NEDD9: variants seen among roughly 807,000 people sequenced by gnomAD.
NEDD9 encodes enhancer of filamentation 1.
In NEDD9, 26 loss-of-function variants were observed where a neutral mutation model predicts 76.6. The ratio of observed to expected loss-of-function variants is 0.34; its 90% confidence interval spans 0.25 to 0.47. NEDD9 has a LOEUF of 0.47. Among genes scored for constraint, NEDD9 ranks in the 20% least tolerant of loss-of-function variants. The pLI, the probability that NEDD9 is intolerant of heterozygous loss-of-function variation, is 1.00. For missense variants in NEDD9, 937 were observed against 1,058.5 expected (o/e 0.89, Z 1.59); for synonymous variants, 392 against 414.2 (o/e 0.95, Z 0.65).
At chr6:11,193,828 G>A in intron 2 of NEDD9, 136 bp from the exon 3 acceptor site, 1 of 562,150 alleles carries the variant, frequency 1.8e-6, no homozygotes, top group Non-Finnish European at 3.2e-6. Context: ...AGACATAACA[G>A]GAAGGAGACA....
chr6:11,280,795 A>C lies in NEDD9; in HGVS notation c.12+25197T>G, dbSNP rs1038731074. 2.0e-5 allele frequency among the ~76,000 whole-genome samples: 3 copies of C among 152,220 alleles called. No homozygotes were observed. In the East Asian group the frequency reaches 5.8e-4, roughly 29 times the overall value. ...GGTTTCCCTGACACTAGCCCTGGCC[A>C]CTGCATTGCCCTTGGTGTTTGCCAA... On this transcript the variant is annotated intron_variant, in intron 3 of 3. Coordinates refer to the NEDD9 transcript ENST00000397378.
chr6:11,316,601 C>A (rs773154818), intron 2 of NEDD9, among the ~76,000 whole-genome samples: 5 of 152,140 alleles, frequency 3.3e-5, no homozygotes, highest in Non-Finnish European at 7.3e-5. Flanking sequence ...GGAATTAACT[C>A]GATCACATTT....
intron 3 of NEDD9, among the ~76,000 whole-genome samples, chr6:11,292,101 A>G (rs1386683210): frequency 6.6e-6 from 1 of 152,228 alleles, no homozygotes; most frequent in Non-Finnish European, 1.5e-5. Context: ...ATTCCCACAG[A>G]TAAGGTTTTC....
At chr6:11,351,818 G>C (rs540225440) in intron 1 of NEDD9, among the ~76,000 whole-genome samples, 3 of 152,212 alleles carry the variant, frequency 2.0e-5, no homozygotes, top group Non-Finnish European at 4.4e-5. Context: ...CTATGCGTTT[G>C]TATGTTCTTC....
At position 11,327,693 on chromosome 6, in the gene NEDD9, C is replaced by T. The variant is rs545861043; in HGVS notation, c.-153+6808G>A. 3.9e-5 allele frequency among the ~76,000 whole-genome samples: 6 copies of T among 152,334 alleles called. No homozygotes were observed. The East Asian group carries it at 5.8e-4, about 15-fold the overall frequency. On this transcript the variant is annotated intron_variant, in intron 2 of 3. Coordinates refer to the NEDD9 transcript ENST00000397378. Reference sequence around the variant, plus strand: ...GGGCCTGCTGGAAGTCAGAAGCTGCCGTCCATTAATGTGGGTCCAGCAAGA... The same window carrying T: ...GGGCCTGCTGGAAGTCAGAAGCTGCTGTCCATTAATGTGGGTCCAGCAAGA...
intron 3 of NEDD9, among the ~76,000 whole-genome samples, chr6:11,238,642 G>T (rs1049371768): frequency 2.6e-5 from 4 of 152,228 alleles, no homozygotes; most frequent in East Asian, 3.9e-4. Context: ...CCTCCCGCTT[G>T]TACCCCATCT....
chr6:11,311,493 C>T (rs767627831), intron 2 of NEDD9, among the ~76,000 whole-genome samples: 7 of 152,220 alleles, frequency 4.6e-5, no homozygotes, highest in Non-Finnish European at 7.3e-5. Context: ...TGCTTTGTGA[C>T]AGCATCCCTG....
chr6:11,326,752 G>A (rs1761936957), intron 2 of NEDD9, among the ~76,000 whole-genome samples: 1 of 152,182 alleles, frequency 6.6e-6, no homozygotes, highest in Non-Finnish European at 1.5e-5. Flanking sequence ...GCTTGCCTGG[G>A]GCCCAGCTGC....
chr6:11,313,031 G>A (rs932067729), intron 2 of NEDD9, among the ~76,000 whole-genome samples: 2 of 152,160 alleles, frequency 1.3e-5, no homozygotes, highest in African/African-American at 4.8e-5. Context: ...TTCAAGTGCA[G>A]GACCCCTAGG....
At chr6:11,287,350 C>T (rs1180276311) in intron 3 of NEDD9, among the ~76,000 whole-genome samples, 1 of 152,132 alleles carries the variant, frequency 6.6e-6, no homozygotes, top group African/African-American at 2.4e-5. Context: ...ATTGCTTGAA[C>T]CTGGTAGGTG....
intron 3 of NEDD9, among the ~76,000 whole-genome samples, chr6:11,272,776 T>G (rs532055653): frequency 7.9e-5 from 12 of 152,354 alleles, no homozygotes; most frequent in Non-Finnish European, 1.5e-4. Context: ...GAGCCGCAGT[T>G]GGAAGCATCA....
At chr6:11,277,525 G>A (rs1417769059) in intron 3 of NEDD9, among the ~76,000 whole-genome samples, 1 of 152,166 alleles carries the variant, frequency 6.6e-6, no homozygotes, top group Non-Finnish European at 1.5e-5. Flanking sequence ...CATGGGCAGG[G>A]GGTGGAAAAG....
At chr6:11,224,445 C>T (rs375709459) in intron 1 of NEDD9, among the ~76,000 whole-genome samples, 5 of 152,188 alleles carry the variant, frequency 3.3e-5, no homozygotes, top group African/African-American at 7.2e-5. Context: ...GTCAGGGAAG[C>T]GGAGATAGCA....
chr6:11,380,746 C>A (rs964531223), intron 1 of NEDD9, among the ~76,000 whole-genome samples: 1 of 152,144 alleles, frequency 6.6e-6, no homozygotes, highest in Non-Finnish European at 1.5e-5. Context: ...ATCATGTGAC[C>A]CTTACAGCCT....
At chr6:11,302,016 A>G (rs1384261731) in intron 3 of NEDD9, among the ~76,000 whole-genome samples, 2 of 152,246 alleles carry the variant, frequency 1.3e-5, no homozygotes, top group Admixed American at 6.5e-5. Flanking sequence ...AACAAAGATC[A>G]GAGCAGAACT....
At position 11,183,298 on chromosome 6, in the gene NEDD9, T is replaced by C. The variant is rs1354772595; in HGVS notation, c.*1864A>G. On this transcript the variant is annotated 3_prime_UTR_variant, in exon 7 of 7. Coordinates refer to ENST00000379446, the MANE Select transcript of NEDD9 (RefSeq NM_006403.4). ...AGTATGAAAAAGAAAACCCAGTGGC[T>C]ATGAAAACAGAGATCTAAAAATTTA... The C allele has an allele frequency of 6.6e-6, 1 of 152,188 alleles. No individual in the cohort carries two copies. Among genetic ancestry groups the C allele is most frequent in the Non-Finnish European group, 1.5e-5 (1 of 68,020 alleles). 9.4% of individuals were successfully genotyped at this position (152,188 alleles called of 1,614,324 possible).
chr6:11,331,729 A>G (rs1762041877), intron 2 of NEDD9, among the ~76,000 whole-genome samples: 1 of 152,198 alleles, frequency 6.6e-6, no homozygotes, highest in Admixed American at 6.5e-5. Context: ...TTTATTTCAT[A>G]TGGCCACACT....
intron 2 of NEDD9, among the ~76,000 whole-genome samples, chr6:11,202,714 C>A (rs1402405039): frequency 6.6e-6 from 1 of 152,216 alleles, no homozygotes; most frequent in Non-Finnish European, 1.5e-5. Flanking sequence ...CTTAAAAATA[C>A]ACCCTCGTAA....
intron 2 of NEDD9, chr6:11,200,888 A>T: frequency 6.2e-7 from 1 of 1,607,436 alleles, no homozygotes; most frequent in African/African-American, 1.3e-5. Context: ...AGTCTAGGAG[A>T]TGAAGATATT....
Sources: allele counts gnomAD v4.1 joint callset (sites outside exome capture counted in the v4.1 genomes callset), GRCh38; gene constraint gnomAD v4.1.1; transcripts MANE v1.5; gene names NCBI Gene and HGNC (gene_info 2026-07-23, HGNC 2026-07-21).